The following DLGAP2 variants were observed in gnomAD, a reference collection of about 807,000 sequenced individuals.
DLGAP2 encodes the protein disks large-associated protein 2.
DLGAP2 carries 26 observed loss-of-function variants against 100.3 expected under a neutral mutation model. The ratio of observed to expected loss-of-function variants is 0.26; its 90% CI spans 0.19 to 0.36. The LOEUF (loss-of-function observed/expected upper bound fraction) is 0.36. DLGAP2 is among the 10% of genes least tolerant of loss of function. DLGAP2 has a pLI of 1.00. For missense variants in DLGAP2, 1,858 were observed against 1,453.2 expected, an observed-to-expected ratio of 1.28 and a Z score of -4.53; for synonymous variants, 886 against 630.1, an observed-to-expected ratio of 1.41 and a Z score of -6.08.
At chr8:1,335,143 C>A (rs1232398788) in intron 3 of DLGAP2, among the ~76,000 whole-genome samples, 1 of 152,126 alleles carries the variant, frequency 6.6e-6, no homozygotes, top group Non-Finnish European at 1.5e-5. Context: ...GAGTCACTGC[C>A]CAGATAATTT....
chr8:1,481,949 G>T (rs7816699), intron 3 of DLGAP2, among the ~76,000 whole-genome samples: 79,656 of 152,038 alleles, frequency 0.52, 23,196 homozygotes, highest in Admixed American at 0.65. Flanking sequence ...GGGTCCCCCC[G>T]TGGAGAAGGG....
chr8:1,036,174 G>A lies in DLGAP2; in HGVS notation c.73+128208G>A, dbSNP rs376327964. On this transcript the variant is annotated intron_variant, in intron 2 of 14. Transcript: ENST00000637795. ...GCGAGTGGATTCACACGCTCATCCC[G>A]ACCCCGCGTGTCACCGCGAGTGGGT... Among the ~76,000 whole-genome samples, 14 of 148,148 alleles carry A rather than the reference G, an allele frequency of 9.5e-5. No homozygotes were observed. In the South Asian group the frequency reaches 2.6e-3, roughly 28 times the overall value.
At chr8:1,624,785 C>G (rs895434860) in intron 6 of DLGAP2, among the ~76,000 whole-genome samples, 2 of 151,956 alleles carry the variant, frequency 1.3e-5, no homozygotes, top group South Asian at 2.1e-4. Context: ...GATGTGAAGA[C>G]TGTGTGCTTC....
intron 3 of DLGAP2, among the ~76,000 whole-genome samples, chr8:1,353,731 G>A (rs1043785426): frequency 7.2e-5 from 11 of 152,194 alleles, no homozygotes; most frequent in Admixed American, 3.9e-4. Context: ...TTTACTTAAC[G>A]TAAGATTCAA....
chr8:1,459,680 T>C (rs911515835), intron 3 of DLGAP2, among the ~76,000 whole-genome samples: 34 of 124,126 alleles, frequency 2.7e-4, no homozygotes, highest in Non-Finnish European at 4.6e-4. Flanking sequence ...AATTCTGTTG[T>C]TTTCTTTTTT....
chr8:909,232 G>A (rs572492496), intron 2 of DLGAP2, among the ~76,000 whole-genome samples: 49 of 152,258 alleles, frequency 3.2e-4, no homozygotes, highest in Non-Finnish European at 3.4e-4. Flanking sequence ...TTTTCTGGAA[G>A]TCTTGGTTAT....
Position 1,008,319 on chromosome 8 carries a change from T to C in DLGAP2, c.73+100353T>C, listed in dbSNP as rs533673259. Among the ~76,000 whole-genome samples the C allele has an allele frequency of 2.0e-5, 3 of 152,368 alleles. No individual in the cohort carries two copies. The South Asian group carries it at 6.2e-4, about 32-fold the overall frequency. ...TTAAAACATTTCAGCTTTGTTTACC[T>C]TCCTTTGCACAACGAGTGTCTATAA... On this transcript the variant is annotated intron_variant, in intron 2 of 14. Coordinates refer to ENST00000637795, the MANE Select transcript of DLGAP2 (RefSeq NM_001346810.2).
intron 3 of DLGAP2, among the ~76,000 whole-genome samples, chr8:1,341,581 A>G (rs1249171275): frequency 6.6e-6 from 1 of 152,126 alleles, no homozygotes; most frequent in Non-Finnish European, 1.5e-5. Context: ...ACTGTGGCTG[A>G]CCCCGTACAA....
chr8:842,669 G>A (rs1282804340), intron 1 of DLGAP2, among the ~76,000 whole-genome samples: 2 of 152,044 alleles, frequency 1.3e-5, no homozygotes, highest in Non-Finnish European at 2.9e-5. Flanking sequence ...CACTTTTAGA[G>A]ATTCTTATTA....
At chr8:884,148 A>G (rs984251715) in intron 1 of DLGAP2, among the ~76,000 whole-genome samples, 1 of 152,224 alleles carries the variant, frequency 6.6e-6, no homozygotes, top group Non-Finnish European at 1.5e-5. Flanking sequence ...TTCTTTGGGA[A>G]TATACCCAGT....
chr8:1,027,716 C>G (rs1334326965), intron 2 of DLGAP2, among the ~76,000 whole-genome samples: 1 of 119,670 alleles, frequency 8.4e-6, no homozygotes, highest in Non-Finnish European at 1.7e-5. Context: ...GGGTGTCAGG[C>G]GCCCGTTATT....
At chr8:1,334,641 G>A (rs114130657) in intron 3 of DLGAP2, among the ~76,000 whole-genome samples, 1,775 of 152,080 alleles carry the variant, frequency 0.012, 50 homozygotes, top group African/African-American at 0.04. Context: ...CATGGACTCC[G>A]GTGGGATGAC....
At chr8:1,682,568 G>A (rs555242356) in intron 12 of DLGAP2, among the ~76,000 whole-genome samples, 18 of 151,670 alleles carry the variant, frequency 1.2e-4, no homozygotes, top group African/African-American at 3.9e-4. Flanking sequence ...TCAGCCTCCC[G>A]AGTTCAAGTG....
chr8:1,526,106 G>T (rs989678312), intron 4 of DLGAP2, among the ~76,000 whole-genome samples: 2 of 151,362 alleles, frequency 1.3e-5, no homozygotes, highest in Non-Finnish European at 2.9e-5. Flanking sequence ...AGATTTGGGA[G>T]TAACAATGTA....
intron 1 of DLGAP2, among the ~76,000 whole-genome samples, chr8:898,318 G>T (rs571711540): frequency 2.0e-5 from 3 of 152,130 alleles, no homozygotes; most frequent in Non-Finnish European, 2.9e-5. Flanking sequence ...AGGCCTTGGG[G>T]TGACTTCACT....
intron 1 of DLGAP2, among the ~76,000 whole-genome samples, chr8:907,277 T>C (rs1350912369): frequency 6.6e-6 from 1 of 152,242 alleles, no homozygotes; most frequent in Non-Finnish European, 1.5e-5. Context: ...TAATCACACA[T>C]TTCCCACAGA....
intron 3 of DLGAP2, among the ~76,000 whole-genome samples, chr8:1,286,997 G>T (rs548094977): frequency 2.0e-5 from 3 of 152,348 alleles, no homozygotes; most frequent in African/African-American, 7.2e-5. Context: ...AAAAGAGAAG[G>T]TCAGTTTTAT....
chr8:1,627,957 C>G (rs113895945), intron 7 of DLGAP2, among the ~76,000 whole-genome samples: 1 of 146,032 alleles, frequency 6.8e-6, no homozygotes, highest in African/African-American at 2.7e-5. Context: ...CCTGAGCTGA[C>G]CTCACATTCT....
intron 3 of DLGAP2, among the ~76,000 whole-genome samples, chr8:1,436,907 C>A (rs1797648553): frequency 6.6e-6 from 1 of 152,252 alleles, no homozygotes; most frequent in South Asian, 2.1e-4. Context: ...CAACTTCTTA[C>A]CCCTGTGTTA....
Sources: allele counts gnomAD v4.1 joint callset (sites outside exome capture counted in the v4.1 genomes callset), GRCh38; gene constraint gnomAD v4.1.1; transcripts MANE v1.5; gene names NCBI Gene and HGNC (gene_info 2026-07-23, HGNC 2026-07-21).